Variants in UPF3A observed in about 807,000 individuals in gnomAD.
The protein encoded by UPF3A is UPF3A regulator of nonsense mediated mRNA decay, also known as regulator of nonsense transcripts 3A.
In UPF3A, 42 loss-of-function variants were observed where a neutral mutation model predicts 53.5. The observed-to-expected ratio is 0.78, with a 90% CI of 0.61 to 1.01. The LOEUF is 1.01. UPF3A is among the 50% of genes least tolerant of loss of function. The probability of loss-of-function intolerance (pLI) is 0.00; values close to 1 mark genes in which losing one functional copy is unlikely to be tolerated. For missense variants in UPF3A, 575 were observed against 598.0 expected (o/e 0.96, Z 0.40); for synonymous variants, 237 against 225.3 (o/e 1.05, Z -0.47).
chr13:114,281,899 T>TGGAGGGAGGGGAG lies in UPF3A; in HGVS notation c.207+60_207+72dup, dbSNP rs1555366216. 1.9e-3 allele frequency: 1,200 copies of TGGAGGGAGGGGAG among 621,852 alleles called. 20 individuals carry two copies. In the African/African-American group the frequency reaches 0.026, roughly 14 times the overall value. The allele number at this position is 621,852 out of a possible 1,614,324, so 38.5% of individuals were successfully genotyped here. On this transcript the variant is annotated intron_variant, in intron 1 of 9. Coordinates refer to ENST00000375299, the MANE Select transcript of UPF3A (RefSeq NM_023011.4). ...CTCGCGAGGAGAGGACGGCCCTGAG[T>TGGAGGGAGGGGAG]GGAGGGAGGGGAGGGAGGGGAGGGA...
At chr13:114,294,782 G>A (rs868252107) in intron 7 of UPF3A, among the ~76,000 whole-genome samples, 14 of 151,754 alleles carry the variant, frequency 9.2e-5, no homozygotes, top group East Asian at 7.8e-4. Flanking sequence ...CTGAGATCAC[G>A]CCACTGCACT....
At chr13:114,287,549 C>T (rs1435698744) in intron 5 of UPF3A, 6 of 152,286 alleles carry the variant, frequency 3.9e-5, no homozygotes, top group Non-Finnish European at 5.9e-5. Flanking sequence ...TGAGATCGCA[C>T]CACTGCACTC....
At chr13:114,287,761 A>G (rs2084864187) in intron 5 of UPF3A, 1 of 152,226 alleles carries the variant, frequency 6.6e-6, no homozygotes, top group Non-Finnish European at 1.5e-5. Flanking sequence ...GATTGAATTA[A>G]TAAAAAAAGA....
At chr13:114,289,049 A>G (rs2085018566) in intron 5 of UPF3A, among the ~76,000 whole-genome samples, 1 of 150,814 alleles carries the variant, frequency 6.6e-6, no homozygotes, top group Non-Finnish European at 1.5e-5. Context: ...GGGTGGGGAG[A>G]GGGGGGCATG....
chr13:114,285,241 C>G (rs1429112618), intron 3 of UPF3A: 1 of 152,160 alleles, frequency 6.6e-6, no homozygotes, highest in African/African-American at 2.4e-5. Context: ...AATCAGTTGA[C>G]CAAGTATTAC....
chr13:114,301,608 A>C lies in UPF3A; in HGVS notation c.1008-123A>C, dbSNP rs895189231. The C allele has an allele frequency of 7.0e-6, 6 of 859,984 alleles. No homozygotes were observed. The African/African-American group carries it at 1.0e-4, about 15-fold the overall frequency. The allele number at this position is 859,984 out of a possible 1,614,324, so 53.3% of individuals were successfully genotyped here. ...TGTGTGCCCATCGCAGTGCAGCCTC[A>C]GCAGTGCAGCGCTGAGCACTTCGCA... On this transcript the variant is annotated intron_variant, in intron 8 of 9. Transcript: ENST00000375299.
intron 3 of UPF3A, 60 bp downstream of exon 3, chr13:114,283,003 C>A: frequency 1.6e-6 from 2 of 1,224,216 alleles, no homozygotes; most frequent in Non-Finnish European, 2.3e-6. Context: ...TGAAGTATTG[C>A]TAGAATATTC....
chr13:114,286,244 C>G, intron 3 of UPF3A, 58 bp from the exon 4 acceptor site: 1 of 1,598,256 alleles, frequency 6.3e-7, no homozygotes, highest in Non-Finnish European at 8.5e-7. Flanking sequence ...TCATTATTTT[C>G]CGAAATGAAT....
rs9590510 is a variant in UPF3A, at chr13:114,299,271, C to T, written c.1007+271C>T. ...TGTCCTCCTTTTACTCCTGAGCCGCCTCCTGGATTCCTGCTGTTGCATGTC... is the reference window on the plus strand; with the variant it reads ...TGTCCTCCTTTTACTCCTGAGCCGCTTCCTGGATTCCTGCTGTTGCATGTC... On this transcript the variant is annotated intron_variant, in intron 8 of 9. Coordinates refer to ENST00000375299, the MANE Select transcript of UPF3A (RefSeq NM_023011.4). Among the ~76,000 whole-genome samples, 468 of 152,302 alleles carry T rather than the reference C, an allele frequency of 3.1e-3. 4 individuals are homozygous for T. Among genetic ancestry groups the T allele is most frequent in the African/African-American group, 0.011 (443 of 41,564 alleles).
intron 3 of UPF3A, chr13:114,283,885 G>C (rs770035596): frequency 1.0e-6 from 1 of 985,216 alleles, no homozygotes; most frequent in Non-Finnish European, 1.2e-6. Flanking sequence ...CCGACTCCAC[G>C]TGTTTTGACA....
At chr13:114,290,224 G>A (rs543740557) in intron 5 of UPF3A, among the ~76,000 whole-genome samples, 2 of 152,192 alleles carry the variant, frequency 1.3e-5, no homozygotes, top group African/African-American at 4.8e-5. Flanking sequence ...TGGGACAATC[G>A]GCTCTTCCCT....
At chr13:114,283,684 C>A in intron 3 of UPF3A, 1 of 864,468 alleles carries the variant, frequency 1.2e-6, no homozygotes, top group Non-Finnish European at 1.4e-6. Flanking sequence ...TGTTAAACAG[C>A]TTTGCCTGCG....
chr13:114,290,618 A>G (rs2085178057), intron 5 of UPF3A, among the ~76,000 whole-genome samples: 1 of 152,208 alleles, frequency 6.6e-6, no homozygotes, highest in African/African-American at 2.4e-5. Flanking sequence ...GAGGTCGGGC[A>G]TGAAAGCGAA....
intron 9 of UPF3A, 72 bp downstream of exon 9, chr13:114,302,097 C>T: frequency 7.3e-7 from 1 of 1,376,250 alleles, no homozygotes; most frequent in Non-Finnish European, 9.5e-7. Context: ...GACCATGTCA[C>T]CCCCACTTGG....
In UPF3A at chr13:114,281,757, C is replaced by T. The variant is rs923922944; in HGVS notation, c.118C>T (p.Gln40Ter). ...EVQFHRDSQQ[Q>*]EAETPPTSSS... The stretch of plus-strand genomic sequence containing the variant: ...GCAGTTCCACCGCGACTCGCAGCAG[C>T]AGGAGGCTGAGACGCCGCCAACTTC... Residue 40 changes from glutamine (Q) to a stop codon, truncating the protein, a stop_gained, in exon 1 of 10, where the codon CAG becomes TAG. Transcript: ENST00000375299. LOFTEE classifies it high-confidence loss of function. 1 of 1,557,804 alleles carries T rather than the reference C, an allele frequency of 6.4e-7. No individual in the cohort carries two copies. Among genetic ancestry groups the T allele is most frequent in the Non-Finnish European group, 8.7e-7 (1 of 1,151,652 alleles).
At chr13:114,287,872 T>G (rs1316580554) in intron 5 of UPF3A, among the ~76,000 whole-genome samples, 3 of 152,024 alleles carry the variant, frequency 2.0e-5, no homozygotes, top group African/African-American at 7.2e-5. Context: ...GGTGGCACAA[T>G]CTCGGCTCAC....
intron 2 of UPF3A, 60 bp from the exon 3 acceptor site, chr13:114,282,777 C>T (rs527327424): frequency 1.3e-6 from 2 of 1,556,468 alleles, no homozygotes; most frequent in Non-Finnish European, 1.7e-6. Context: ...GAAAAAGAGG[C>T]TAAATTAATG....
At chr13:114,289,522 CAAA>C (rs144534172) in intron 5 of UPF3A, among the ~76,000 whole-genome samples, 8 of 103,552 alleles carry the variant, frequency 7.7e-5, no homozygotes, top group South Asian at 3.0e-4. Context: ...GACTCCATCT[CAAA>C]AAAAAAAAAA....
chr13:114,287,967 C>T (rs2084893660), intron 5 of UPF3A, among the ~76,000 whole-genome samples: 1 of 152,114 alleles, frequency 6.6e-6, no homozygotes, highest in Admixed American at 6.6e-5. Flanking sequence ...CCATCATGCC[C>T]AGCTAATTTT....
Sources: allele counts gnomAD v4.1 joint callset (sites outside exome capture counted in the v4.1 genomes callset), GRCh38; gene constraint gnomAD v4.1.1; transcripts MANE v1.5; gene names NCBI Gene and HGNC (gene_info 2026-07-23, HGNC 2026-07-21).